SWT1: variants seen among roughly 807,000 people sequenced by gnomAD.
SWT1 encodes transcriptional protein SWT1.
Under a neutral mutation model 107.3 loss-of-function variants are expected in SWT1, and 33 were observed. That is an observed-to-expected ratio of 0.31 (90% CI 0.23 to 0.41). The LOEUF (loss-of-function observed/expected upper bound fraction) is 0.41, where lower values mean the gene tolerates loss of function less well. Among genes scored for constraint, SWT1 ranks in the 10% least tolerant of loss-of-function variants. The probability of loss-of-function intolerance (pLI) is 1.00; values close to 1 mark genes in which losing one functional copy is unlikely to be tolerated. For synonymous variants in SWT1, 345 were observed against 348.3 expected (o/e 0.99, Z 0.11); for missense variants, 898 against 1,028.9 (o/e 0.87, Z 1.74).
intron 11 of SWT1, among the ~76,000 whole-genome samples, chr1:185,204,271 C>T (rs550607928): frequency 6.6e-5 from 10 of 150,986 alleles, no homozygotes; most frequent in Non-Finnish European, 1.2e-4. Context: ...AGCGAGACTC[C>T]GTCTCAAAAG....
rs146907943 is a variant in SWT1, at chr1:185,184,853, C to A, written c.1351C>A (p.His451Asn). 1.9e-5 allele frequency: 29 copies of A among 1,560,832 alleles called. No homozygotes were observed. Among genetic ancestry groups the A allele is most frequent in the Non-Finnish European group, 2.4e-5 (28 of 1,159,030 alleles). The change falls in exon 9 of 19, where the codon CAT becomes AAT. Residue 451 changes from histidine to asparagine, a missense_variant. Transcript: ENST00000367500. ...RAQHKAIPAVHFINDSLKNQD... is the reference protein window; with the variant it reads ...RAQHKAIPAVNFINDSLKNQD... ...CCAGCACAAAGCTATACCTGCAGTT[C>A]ATTTCATCAACGACAGTCTCAAAAA...
chr1:185,223,181 T>C (rs940853193), intron 15 of SWT1, among the ~76,000 whole-genome samples: 2 of 152,132 alleles, frequency 1.3e-5, no homozygotes, highest in African/African-American at 4.8e-5. Flanking sequence ...GTGTATAAAG[T>C]GTTCCCTTTT....
chr1:185,209,870 A>G (rs1658634970), intron 13 of SWT1, among the ~76,000 whole-genome samples: 1 of 152,124 alleles, frequency 6.6e-6, no homozygotes. Context: ...ATTTCTCCAC[A>G]TCCTCTCCAG....
chr1:185,245,969 T>C (rs753924153), intron 16 of SWT1, among the ~76,000 whole-genome samples: 1 of 152,048 alleles, frequency 6.6e-6, no homozygotes, highest in Non-Finnish European at 1.5e-5. Flanking sequence ...GGTTTTACCA[T>C]GTTAGCCAGG....
chr1:185,183,416 G>T (rs1383485197), intron 7 of SWT1, among the ~76,000 whole-genome samples: 1 of 151,820 alleles, frequency 6.6e-6, no homozygotes, highest in African/African-American at 2.4e-5. Context: ...TCAGCCTCCT[G>T]AGTAGCTGGG....
intron 18 of SWT1, among the ~76,000 whole-genome samples, chr1:185,285,576 A>G (rs967167373): frequency 1.3e-5 from 2 of 152,136 alleles, no homozygotes; most frequent in African/African-American, 4.8e-5. Context: ...TGCATTGCCC[A>G]TGCTTTTAAG....
chr1:185,206,760 A>G lies in SWT1; in HGVS notation c.1969A>G (p.Lys657Glu), dbSNP rs750979346. 3.1e-6 allele frequency: 5 copies of G among 1,589,628 alleles called. No homozygotes were observed. Among genetic ancestry groups the G allele is most frequent in the Non-Finnish European group, 4.3e-6 (5 of 1,169,628 alleles). ...TGAGAGCCTATACAAAAATCTCCGT[A>G]AAGGTATGAATCTTTTATTTTTCTC... is the stretch of plus-strand genomic sequence containing the variant. ...TIESLYKNLR[K>E]ANKAVDFTTV... The change falls in exon 13 of 19, where the codon AAA becomes GAA. Residue 657 changes from lysine to glutamate, a missense_variant. By Grantham distance (56) the Lys-to-Glu change is moderately conservative. Coordinates refer to ENST00000367500, the MANE Select transcript of SWT1 (RefSeq NM_017673.7).
At chr1:185,232,994 A>G (rs1660605081) in intron 16 of SWT1, among the ~76,000 whole-genome samples, 1 of 152,182 alleles carries the variant, frequency 6.6e-6, no homozygotes, top group African/African-American at 2.4e-5. Flanking sequence ...CAATATGCTT[A>G]TCTAGTGGTT....
chr1:185,169,368 C>T (rs1654854870), intron 4 of SWT1, among the ~76,000 whole-genome samples: 1 of 149,504 alleles, frequency 6.7e-6, no homozygotes, highest in Non-Finnish European at 1.5e-5. Context: ...TTTTTTGGCC[C>T]TTGATATTAT....
At chr1:185,229,125 G>C (rs187224749) in intron 15 of SWT1, among the ~76,000 whole-genome samples, 1 of 152,282 alleles carries the variant, frequency 6.6e-6, no homozygotes, top group Admixed American at 6.5e-5. Flanking sequence ...CTTGTTGAGA[G>C]CAGGCTGTGA....
chr1:185,162,619 T>A (rs572704011), intron 2 of SWT1, among the ~76,000 whole-genome samples: 1 of 152,304 alleles, frequency 6.6e-6, no homozygotes, highest in South Asian at 2.1e-4. Flanking sequence ...TACCTGCACC[T>A]ATCAGCAAAT....
At chr1:185,240,237 CAAAA>C (rs1001775117) in intron 16 of SWT1, among the ~76,000 whole-genome samples, 1 of 151,510 alleles carries the variant, frequency 6.6e-6, no homozygotes, top group African/African-American at 2.4e-5. Context: ...TTTTAAAAAA[CAAAA>C]AAAGGTAATA....
rs906488500 is a variant in SWT1 at position 185,283,281 on chromosome 1, T to C, written c.2573+6613T>C. 5.9e-5 allele frequency among the ~76,000 whole-genome samples: 9 copies of C among 152,346 alleles called. No individual in the cohort carries two copies. The South Asian group carries it at 1.0e-3, about 18-fold the overall frequency. On this transcript the variant is annotated intron_variant, in intron 18 of 18. Coordinates refer to ENST00000367500, the MANE Select transcript of SWT1 (RefSeq NM_017673.7). ...TTATATCTGCAATTCAGCTGGTGTT[T>C]TCTCTTCTCCAGTTTTTAGACTCTT...
intron 11 of SWT1, 64 bp downstream of exon 11, chr1:185,202,863 C>T: frequency 2.0e-5 from 18 of 899,402 alleles, no homozygotes; most frequent in Non-Finnish European, 2.8e-5. Flanking sequence ...TTATTTATAA[C>T]ATTAGAATCG....
intron 9 of SWT1, among the ~76,000 whole-genome samples, chr1:185,186,848 G>A (rs576527997): frequency 5.4e-5 from 8 of 149,272 alleles, no homozygotes; most frequent in African/African-American, 1.5e-4. Context: ...TCCACCTCCC[G>A]GGTTCAAGTG....
At chr1:185,171,194 T>C (rs1655028489) in intron 4 of SWT1, 1 of 154,978 alleles carries the variant, frequency 6.5e-6, no homozygotes, top group African/African-American at 2.4e-5. Flanking sequence ...AATGAGTGCA[T>C]GGCATCCCGA....
intron 16 of SWT1, among the ~76,000 whole-genome samples, chr1:185,253,339 T>C (rs1403463968): frequency 8.6e-5 from 13 of 151,456 alleles, no homozygotes; most frequent in Non-Finnish European, 1.3e-4. Flanking sequence ...GGTAGCTTGA[T>C]GGGGATGGCA....
chr1:185,272,643 C>T (rs898088721), intron 17 of SWT1, among the ~76,000 whole-genome samples: 1 of 152,172 alleles, frequency 6.6e-6, no homozygotes, highest in African/African-American at 2.4e-5. Context: ...ATTTCTTCAT[C>T]TGTGAAATGA....
chr1:185,179,850 CAG>C (rs924839798), intron 5 of SWT1, among the ~76,000 whole-genome samples: 15 of 152,212 alleles, frequency 9.9e-5, no homozygotes, highest in African/African-American at 3.1e-4. Context: ...TTTTGCCCCT[CAG>C]GGGACATTTG....
Sources: allele counts gnomAD v4.1 joint callset (sites outside exome capture counted in the v4.1 genomes callset), GRCh38; gene constraint gnomAD v4.1.1; transcripts MANE v1.5; gene names NCBI Gene and HGNC (gene_info 2026-07-23, HGNC 2026-07-21).